The following PIGN variants were observed in gnomAD, a reference collection of about 807,000 sequenced individuals.
PIGN encodes the protein phosphatidylinositol glycan anchor biosynthesis class N.
In PIGN, 117 loss-of-function variants were observed where a neutral mutation model predicts 125.4. The observed-to-expected ratio is 0.93, with a 90% CI of 0.80 to 1.09. PIGN has a LOEUF of 1.09. Ranked by LOEUF, PIGN falls within the 50% of genes least tolerant of loss-of-function variation. The pLI is 0.00. For missense variants in PIGN, 1,075 were observed against 1,094.9 expected (o/e 0.98, Z 0.26); for synonymous variants, 392 against 377.8 (o/e 1.04, Z -0.44).
chr18:62,087,053 G>A (rs982247148), intron 25 of PIGN, among the ~76,000 whole-genome samples: 20 of 152,126 alleles, frequency 1.3e-4, no homozygotes, highest in African/African-American at 4.6e-4. Flanking sequence ...GGTCCTCGAG[G>A]TCACGAAAGG....
chr18:62,130,038 G>A (rs9807534), intron 14 of PIGN, among the ~76,000 whole-genome samples: 25,689 of 152,100 alleles, frequency 0.17, 2,925 homozygotes, highest in Middle Eastern at 0.29. Flanking sequence ...ATAGAGAGTA[G>A]AATGATAAAG....
chr18:62,086,618 G>GT (rs34697881), intron 25 of PIGN, among the ~76,000 whole-genome samples: 31 of 143,468 alleles, frequency 2.2e-4, no homozygotes, highest in South Asian at 4.4e-4. Context: ...TCCGTTTTTT[G>GT]TTTTTTTTTT....
intron 1 of PIGN, among the ~76,000 whole-genome samples, chr18:62,184,864 G>A (rs2037840379): frequency 6.6e-6 from 1 of 152,176 alleles, no homozygotes; most frequent in Admixed American, 6.5e-5. Flanking sequence ...AGTGACCACA[G>A]TAATAGTTAT....
At chr18:62,112,535 G>A (rs887895449) in intron 16 of PIGN, 4 of 152,048 alleles carry the variant, frequency 2.6e-5, no homozygotes, top group African/African-American at 9.7e-5. Context: ...GCAATATGAA[G>A]TATCATTAAA....
intron 30 of PIGN, among the ~76,000 whole-genome samples, chr18:62,053,397 G>C (rs2031471778): frequency 6.6e-6 from 1 of 151,992 alleles, no homozygotes; most frequent in Non-Finnish European, 1.5e-5. Context: ...AAAACACTGA[G>C]AACAAACAGA....
chr18:62,094,876 A>G (rs534300967), intron 23 of PIGN, among the ~76,000 whole-genome samples: 12 of 152,260 alleles, frequency 7.9e-5, no homozygotes, highest in African/African-American at 2.4e-4. Context: ...GCCCCACTGG[A>G]TCATCTCTTA....
At chr18:62,126,701 C>T (rs2035547201) in intron 14 of PIGN, among the ~76,000 whole-genome samples, 1 of 152,072 alleles carries the variant, frequency 6.6e-6, no homozygotes, top group Non-Finnish European at 1.5e-5. Flanking sequence ...TCAATTAATA[C>T]TAGGGTATGG....
chr18:62,178,204 G>T (rs991756956), intron 1 of PIGN, among the ~76,000 whole-genome samples: 2 of 152,100 alleles, frequency 1.3e-5, no homozygotes, highest in African/African-American at 4.8e-5. Context: ...AATGGTGAAT[G>T]AGGATGGTAA....
At chr18:62,067,482 A>T (rs62095275) in intron 30 of PIGN, among the ~76,000 whole-genome samples, 3 of 152,076 alleles carry the variant, frequency 2.0e-5, no homozygotes, top group Admixed American at 2.0e-4. Context: ...TTTGTGGTCA[A>T]TCATACCCCA....
intron 15 of PIGN, among the ~76,000 whole-genome samples, chr18:62,114,015 G>A (rs17642179): frequency 0.032 from 4,886 of 152,134 alleles, 143 homozygotes; most frequent in Non-Finnish European, 0.044. Flanking sequence ...CACAAACTTG[G>A]CATCTATTTT....
At chr18:62,150,430 G>T (rs1167496058) in intron 7 of PIGN, among the ~76,000 whole-genome samples, 1 of 152,176 alleles carries the variant, frequency 6.6e-6, no homozygotes, top group Non-Finnish European at 1.5e-5. Context: ...TATCTAAGTC[G>T]AACTGGAAAT....
chr18:62,118,754 CAT>C (rs2035181474), intron 14 of PIGN: 1 of 151,576 alleles, frequency 6.6e-6, no homozygotes, highest in Non-Finnish European at 1.5e-5. Flanking sequence ...TAAACTAACA[CAT>C]ATTCTGAGGT....
Position 62,139,212 on chromosome 18 carries a change from T to A in PIGN, c.1024-137A>T, listed in dbSNP as rs79536567. 7,871 of 554,454 alleles carry A rather than the reference T, an allele frequency of 0.014. 140 individuals are homozygous for A. The highest frequency in any genetic ancestry group is 0.071 in the East Asian group (2,435 of 34,250). The allele number at this position is 554,454 out of a possible 1,614,324, so 34.3% of individuals were successfully genotyped here. On this transcript the variant is annotated intron_variant, in intron 12 of 30. Coordinates refer to ENST00000640252, the MANE Select transcript of PIGN (RefSeq NM_176787.5). ...ATTGAAATAGTTAAATGAAAAATCTTTTTAAAACTATAACTGAAAGATGTT... is the reference window on the plus strand; with the variant it reads ...ATTGAAATAGTTAAATGAAAAATCTATTTAAAACTATAACTGAAAGATGTT...
At chr18:62,102,062 T>A (rs1245968028) in intron 21 of PIGN, among the ~76,000 whole-genome samples, 1 of 151,564 alleles carries the variant, frequency 6.6e-6, no homozygotes, top group Non-Finnish European at 1.5e-5. Flanking sequence ...ACCCTGACTC[T>A]ACTAAATATA....
intron 24 of PIGN, 100 bp from the exon 25 acceptor site, chr18:62,088,942 A>G: frequency 1.5e-6 from 1 of 689,034 alleles, no homozygotes; most frequent in East Asian, 2.8e-5. Context: ...GGCTAGAAAC[A>G]TGCCCTGTGC....
chr18:62,099,089 G>A (rs190206681), intron 22 of PIGN, among the ~76,000 whole-genome samples: 9 of 152,060 alleles, frequency 5.9e-5, no homozygotes, highest in Admixed American at 2.6e-4. Context: ...ACAAGCCTAC[G>A]AGTCATGTTA....
intron 29 of PIGN, among the ~76,000 whole-genome samples, 191 bp from the exon 30 acceptor site, chr18:62,072,916 A>G (rs1280181970): frequency 3.3e-5 from 5 of 152,202 alleles, no homozygotes; most frequent in Non-Finnish European, 5.9e-5. Context: ...AAATCCAGAA[A>G]TAGAATTATC....
chr18:62,084,681 G>A, intron 26 of PIGN, 75 bp from the exon 27 acceptor site: 1 of 940,284 alleles, frequency 1.1e-6, no homozygotes, highest in Non-Finnish European at 1.7e-6. Flanking sequence ...CTAAAAAGAT[G>A]TTTAAACTAA....
At chr18:62,066,310 C>T (rs1004941599) in intron 30 of PIGN, among the ~76,000 whole-genome samples, 2 of 152,162 alleles carry the variant, frequency 1.3e-5, no homozygotes, top group African/African-American at 4.8e-5. Context: ...AACCACTGAT[C>T]GACTCTGTGA....
Sources: allele counts gnomAD v4.1 joint callset (sites outside exome capture counted in the v4.1 genomes callset), GRCh38; gene constraint gnomAD v4.1.1; transcripts MANE v1.5; gene names NCBI Gene and HGNC (gene_info 2026-07-23, HGNC 2026-07-21).